The following ERN1 variants were observed in gnomAD, a reference collection of about 807,000 sequenced individuals.
The protein encoded by ERN1 is serine/threonine-protein kinase/endoribonuclease IRE1.
A neutral mutation model predicts 113.1 loss-of-function variants in ERN1; 39 were observed. That is an observed-to-expected ratio of 0.34 (90% CI 0.27 to 0.45). ERN1 has a LOEUF of 0.45. ERN1 is among the 20% of genes least tolerant of loss of function. The pLI is 1.00. For synonymous variants in ERN1, 507 were observed against 515.9 expected, an observed-to-expected ratio of 0.98 and a Z score of 0.23; for missense variants, 976 against 1,274.8, an observed-to-expected ratio of 0.77 and a Z score of 3.57.
chr17:64,085,675 C>A (rs964604609), intron 2 of ERN1, among the ~76,000 whole-genome samples: 4 of 152,226 alleles, frequency 2.6e-5, no homozygotes, highest in Admixed American at 1.3e-4. Context: ...GCTCTACTCA[C>A]CCTGAACCCA....
chr17:64,075,131 C>T, intron 5 of ERN1, 44 bp downstream of exon 5: 1 of 1,465,326 alleles, frequency 6.8e-7, no homozygotes, highest in Non-Finnish European at 9.3e-7. Flanking sequence ...GATTCCGGGA[C>T]TTACATCAAA....
intron 1 of ERN1, among the ~76,000 whole-genome samples, chr17:64,105,906 G>A (rs1192735428): frequency 6.6e-6 from 1 of 151,374 alleles, no homozygotes; most frequent in Non-Finnish European, 1.5e-5. Flanking sequence ...AGTGAGCCGA[G>A]ATGGTGCCGT....
At chr17:64,048,094 G>T in intron 18 of ERN1, 109 bp from the exon 19 acceptor site, 1 of 1,008,654 alleles carries the variant, frequency 9.9e-7, no homozygotes, top group South Asian at 2.0e-5. Context: ...CTATTTACAG[G>T]AATTTATTCC....
At chr17:64,128,161 A>ATTTTTTTTTT (rs760752335) in intron 1 of ERN1, among the ~76,000 whole-genome samples, 8 of 126,388 alleles carry the variant, frequency 6.3e-5, no homozygotes, top group African/African-American at 1.3e-4. Context: ...CGCCCGGCTA[A>ATTTTTTTTTT]TTTTTTTTTT....
chr17:64,072,411 T>C (rs993854860), intron 5 of ERN1, among the ~76,000 whole-genome samples: 1 of 152,274 alleles, frequency 6.6e-6, no homozygotes, highest in African/African-American at 2.4e-5. Context: ...GCTTTAAATA[T>C]GAAAAGTCTT....
At chr17:64,094,900 C>T (rs1224438332) in intron 2 of ERN1, among the ~76,000 whole-genome samples, 1 of 152,156 alleles carries the variant, frequency 6.6e-6, no homozygotes, top group Admixed American at 6.5e-5. Context: ...CTGTTTTGTT[C>T]ACTTGCTGTA....
rs938709206 is a variant in ERN1, at chr17:64,049,426, C to G, written c.2254-224G>C. Among the ~76,000 whole-genome samples the G allele has an allele frequency of 3.3e-5, 5 of 152,138 alleles. No homozygotes were observed. Among genetic ancestry groups the G allele is most frequent in the Admixed American group, 6.5e-5 (1 of 15,282 alleles). On this transcript the variant is annotated intron_variant, in intron 17 of 21. Coordinates refer to ENST00000433197, the MANE Select transcript of ERN1 (RefSeq NM_001433.5). This position sits in a 1 kb window ranked among gnomAD's most constrained non-coding sequence, Gnocchi z 4.7. ...CTGGGCTTGGAGCCACCTGGAAGCC[C>G]CTGGTTCCCTCTCATGTGAGATGAG...
intron 1 of ERN1, chr17:64,102,675 G>C (rs1914419654): frequency 1.0e-6 from 1 of 985,246 alleles, no homozygotes; most frequent in African/African-American, 1.7e-5. Flanking sequence ...ATTTGTACCT[G>C]AACACTGAAA....
chr17:64,119,376 GTTTTTT>G (rs3044073), intron 1 of ERN1, among the ~76,000 whole-genome samples: 25 of 77,908 alleles, frequency 3.2e-4, no homozygotes, highest in African/African-American at 1.1e-3. Context: ...TTTTTTCTAG[GTTTTTT>G]TTTTTTTTTT....
intron 2 of ERN1, among the ~76,000 whole-genome samples, chr17:64,085,381 G>A (rs1170550510): frequency 1.3e-5 from 2 of 152,146 alleles, no homozygotes; most frequent in African/African-American, 2.4e-5. Context: ...GAGAAGCAGC[G>A]AGAGGGGAGA....
chr17:64,059,892 T>C (rs1014990719), intron 11 of ERN1, among the ~76,000 whole-genome samples: 4 of 150,086 alleles, frequency 2.7e-5, no homozygotes, highest in African/African-American at 9.8e-5. Context: ...GGTCTTGCTA[T>C]GTTGCCCAGG....
chr17:64,078,223 T>C, intron 4 of ERN1, among the ~76,000 whole-genome samples: 1 of 152,244 alleles, frequency 6.6e-6, no homozygotes, highest in East Asian at 1.9e-4. Context: ...TTTTGGCCAT[T>C]CTGGTGAGTA....
chr17:64,052,737 G>A (rs1248367694), intron 17 of ERN1, 43 bp downstream of exon 17: 2 of 1,565,482 alleles, frequency 1.3e-6, no homozygotes, highest in Non-Finnish European at 8.8e-7. Flanking sequence ...AGATACAATG[G>A]GCTGGTTCTG....
At chr17:64,094,730 C>T (rs893977816) in intron 2 of ERN1, among the ~76,000 whole-genome samples, 2 of 151,934 alleles carry the variant, frequency 1.3e-5, no homozygotes, top group African/African-American at 2.4e-5. Flanking sequence ...ACACCTTCTC[C>T]GTGGAGCCCT....
At position 64,041,910 on chromosome 17, in the gene ERN1, A is replaced by G. The variant is rs1912350271; in HGVS notation, c.*2078T>C. 6.6e-6 allele frequency: 1 copy of G among 152,272 alleles called. No individual in the cohort carries two copies. The highest frequency in any genetic ancestry group is 6.5e-5 in the Admixed American group (1 of 15,290). The allele number at this position is 152,272 out of a possible 1,614,324, so 9.4% of individuals were successfully genotyped here. On this transcript the variant is annotated 3_prime_UTR_variant, in exon 22 of 22. Transcript: ENST00000433197. The stretch of plus-strand genomic sequence containing the variant: ...AACTAGTATGATAAGCAGAAAAGGC[A>G]TCGGAAACAGTTGTCTCTAGGCAAG...
chr17:64,122,485 C>T (rs1429712758), intron 1 of ERN1, among the ~76,000 whole-genome samples: 1 of 152,170 alleles, frequency 6.6e-6, no homozygotes, highest in African/African-American at 2.4e-5. Flanking sequence ...TGGGAGGCTA[C>T]ACATCTATTC....
Position 64,068,255 on chromosome 17 carries a change from T to C in ERN1, c.515A>G (p.Glu172Gly), listed in dbSNP as rs772964863. 3 of 1,612,946 alleles carry C rather than the reference T, an allele frequency of 1.9e-6. No homozygotes were observed. The South Asian group carries it at 3.3e-5, about 18-fold the overall frequency. Residue 172 changes from glutamate to glycine, a missense_variant, in exon 7 of 22, where the codon GAG (glutamate) becomes GGG (glycine). Glu to Gly is a moderately conservative substitution (Grantham distance 98). This residue lies in a region of ERN1 where 459 missense variants were observed against 581.2 expected (regional missense o/e 0.79). Transcript: ENST00000433197. The part of the protein sequence containing the change: ...TITMYDTKTR[E>G]LRWNATYFDY... ...AAAGTAGGTGGCATTCCACCGGAGC[T>C]CTCGGGTTTTGGTGTCGTACATGGT...
intron 1 of ERN1, among the ~76,000 whole-genome samples, chr17:64,124,576 C>A (rs1915031806): frequency 6.6e-6 from 1 of 152,184 alleles, no homozygotes; most frequent in Non-Finnish European, 1.5e-5. Context: ...TCTTTCCCTG[C>A]TGCCATCAAC....
rs1238494818 is a variant in ERN1 at position 64,044,655 on chromosome 17, C to G, written c.2721+205G>C. On this transcript the variant is annotated intron_variant, in intron 21 of 21. Transcript: ENST00000433197. The surrounding 1 kb of genome is among the most constrained non-coding windows in gnomAD (Gnocchi z 4.1). Reference sequence around the variant, plus strand: ...GGCCGCAGAGCACTGCTTCCCGGAGCTTCACCTGCACCTACGTCCCTGAAG... The same window carrying G: ...GGCCGCAGAGCACTGCTTCCCGGAGGTTCACCTGCACCTACGTCCCTGAAG... Among the ~76,000 whole-genome samples, 1 of 152,204 alleles carries G rather than the reference C, an allele frequency of 6.6e-6. No homozygotes were observed. Among genetic ancestry groups the G allele is most frequent in the African/African-American group, 2.4e-5 (1 of 41,448 alleles).
Sources: gnomAD v4.1 joint callset for allele counts (sites outside exome capture counted in the v4.1 genomes callset) on GRCh38, gnomAD v4.1.1 for gene constraint, gnomAD v4.1.1 regional missense constraint, Gnocchi (gnomAD v3.1) non-coding constraint, MANE v1.5 for transcripts, NCBI Gene and HGNC (gene_info 2026-07-23, HGNC 2026-07-21) for gene names.